The following TRAF3IP2 variants were observed in gnomAD, a reference collection of about 807,000 sequenced individuals.
TRAF3IP2 encodes the protein TRAF3 interacting protein 2, also known as E3 ubiquitin ligase TRAF3IP2.
Under a neutral mutation model 57.9 loss-of-function variants are expected in TRAF3IP2, and 35 were observed. That is an observed-to-expected ratio of 0.60 (90% CI 0.46 to 0.80). The LOEUF is 0.80. Among genes scored for constraint, TRAF3IP2 ranks in the 30% least tolerant of loss-of-function variants. The pLI is 0.00. For missense variants in TRAF3IP2, 556 were observed against 706.4 expected (o/e 0.79, Z 2.41); for synonymous variants, 251 against 268.9 (o/e 0.93, Z 0.65).
intron 2 of TRAF3IP2, among the ~76,000 whole-genome samples, chr6:111,583,637 C>A (rs1413872597): frequency 6.6e-6 from 1 of 152,142 alleles, no homozygotes; most frequent in Non-Finnish European, 1.5e-5. Flanking sequence ...AAGCTCAGGG[C>A]TCCCACTGAT....
intron 1 of TRAF3IP2, among the ~76,000 whole-genome samples, chr6:111,605,005 C>T (rs1314982665): frequency 1.3e-5 from 2 of 151,974 alleles, no homozygotes; most frequent in Non-Finnish European, 2.9e-5. Flanking sequence ...TTGCCTAAGT[C>T]ATGGAACCAC....
At position 111,563,015 on chromosome 6, in the gene TRAF3IP2, C is replaced by T; in HGVS notation, c.1501G>A (p.Gly501Arg). Residue 501 changes from glycine (G) to arginine (R), a missense_variant, in exon 8 of 9, where the codon GGA becomes AGA. By Grantham distance (125) the Gly-to-Arg change is moderately radical. Coordinates refer to ENST00000368761, the MANE Select transcript of TRAF3IP2 (RefSeq NM_147686.4). ...RMMQIEFIKQ[G>R]SMNFRFIPVL... ...GGGATGAATCTGAAATTCATGCTTC[C>T]TTGTTTTATGAACTCAATCTGCATC... 1 of 1,613,126 alleles carries T rather than the reference C, an allele frequency of 6.2e-7. No homozygotes were observed. The highest frequency in any genetic ancestry group is 8.5e-7 in the Non-Finnish European group (1 of 1,179,752).
intron 6 of TRAF3IP2, chr6:111,567,392 A>G: frequency 2.4e-6 from 3 of 1,267,166 alleles, no homozygotes; most frequent in Middle Eastern, 2.4e-4. Context: ...TCTGATTGTT[A>G]TCAACCACCT....
intron 2 of TRAF3IP2, among the ~76,000 whole-genome samples, chr6:111,590,297 A>G (rs1182297818): frequency 2.0e-5 from 3 of 152,202 alleles, no homozygotes; most frequent in Non-Finnish European, 2.9e-5. Flanking sequence ...CTAGAAGGAG[A>G]GGAGACACGT....
In TRAF3IP2 at chr6:111,605,878, C is replaced by T. The variant is rs1797007552; in HGVS notation, c.-111G>A. 6.6e-6 allele frequency: 1 copy of T among 152,118 alleles called. No homozygotes were observed. The highest frequency in any genetic ancestry group is 6.5e-5 in the Admixed American group (1 of 15,272). The allele number at this position is 152,118 out of a possible 1,614,324, so 9.4% of individuals were successfully genotyped here. A position where few individuals can be genotyped will look rare whatever the true frequency, so the allele number is the denominator to read the frequency against. On this transcript the variant is annotated 5_prime_UTR_variant, in exon 1 of 9. Transcript: ENST00000368761. Reference sequence around the variant, plus strand: ...CTCCGGGCCCAGGTAAGTAGAAGAACAGGCTCTGAAGCAGGAAGTGGAAGC... The same window carrying T: ...CTCCGGGCCCAGGTAAGTAGAAGAATAGGCTCTGAAGCAGGAAGTGGAAGC...
intron 5 of TRAF3IP2, among the ~76,000 whole-genome samples, chr6:111,568,837 C>A (rs573821126): frequency 2.0e-5 from 3 of 152,178 alleles, no homozygotes; most frequent in Non-Finnish European, 4.4e-5. Flanking sequence ...AGCACAAACC[C>A]CCCTGCTCTG....
intron 1 of TRAF3IP2, chr6:111,597,778 A>G: frequency 2.2e-6 from 1 of 453,084 alleles, no homozygotes; most frequent in South Asian, 1.6e-5. Context: ...TGTGCATGTG[A>G]GCCTGGTTCT....
rs952510218 is a variant in TRAF3IP2, at chr6:111,555,830, G to A, written c.*3575C>T. 1.2e-4 allele frequency among the ~76,000 whole-genome samples: 18 copies of A among 152,106 alleles called. No homozygotes were observed. The highest frequency in any genetic ancestry group is 2.4e-4 in the African/African-American group (10 of 41,418). On this transcript the variant is annotated 3_prime_UTR_variant, in exon 9 of 9. Coordinates refer to ENST00000368761, the MANE Select transcript of TRAF3IP2 (RefSeq NM_147686.4). Reference sequence around the variant, plus strand: ...TTACAATTCCTTTGATGGGCCGGGCGTGGTGGCTCATGCCTGTAATCCCAG... The same window carrying A: ...TTACAATTCCTTTGATGGGCCGGGCATGGTGGCTCATGCCTGTAATCCCAG...
intron 7 of TRAF3IP2, among the ~76,000 whole-genome samples, chr6:111,563,872 CAAG>C (rs1352698982): frequency 6.6e-6 from 1 of 152,122 alleles, no homozygotes; most frequent in Non-Finnish European, 1.5e-5. Flanking sequence ...TGTGGTAGCC[CAAG>C]AAGATTTAGC....
At position 111,580,405 on chromosome 6, in the gene TRAF3IP2, A is replaced by C. The variant is rs567248454; in HGVS notation, c.830-16T>G. ...TCATGGCCATCTGTAGGTGAAGACA[A>C]CAAAGACAACAGGGAACATCAACTC... On this transcript the variant is annotated splice_polypyrimidine_tract_variant and intron_variant, in intron 2 of 8. Coordinates refer to ENST00000368761, the MANE Select transcript of TRAF3IP2 (RefSeq NM_147686.4). The C allele has an allele frequency of 6.5e-7, 1 of 1,528,604 alleles. No individual in the cohort carries two copies. Among genetic ancestry groups the C allele is most frequent in the African/African-American group, 1.4e-5 (1 of 71,932 alleles). 94.7% of individuals were successfully genotyped at this position (1,528,604 alleles called of 1,614,324 possible). A position where few individuals can be genotyped will look rare whatever the true frequency, so the allele number is the denominator to read the frequency against.
chr6:111,572,968 G>C lies in TRAF3IP2; in HGVS notation c.1217C>G (p.Thr406Ser). Residue 406 changes from threonine (T) to serine (S), a missense_variant, in exon 5 of 9, where the codon ACT becomes AGT. This residue lies in a region of TRAF3IP2 where 128 missense variants were observed against 207.7 expected (regional missense o/e 0.62). Transcript: ENST00000368761. ...CTCCATAGCTGTGTCCATCGAATAAGTGATAAAGACTTTCCCTAAGAGAAA... is the reference window on the plus strand; with the variant it reads ...CTCCATAGCTGTGTCCATCGAATAACTGATAAAGACTTTCCCTAAGAGAAA... ...LPEELRKVFI[T>S]YSMDTAMEVV... 6.2e-7 allele frequency: 1 copy of C among 1,613,770 alleles called. No individual in the cohort carries two copies. The highest frequency in any genetic ancestry group is 8.5e-7 in the Non-Finnish European group (1 of 1,179,852).
chr6:111,572,932 A>T lies in TRAF3IP2; in HGVS notation c.1253T>A (p.Phe418Tyr). ...GCCATTTACCAACAAAAAGTTCACG[A>T]ATTTCACCACCTCCATAGCTGTGTC... ...SMDTAMEVVK[F>Y]VNFLLVNGFQ... The change falls in exon 5 of 9, where the codon TTC (phenylalanine) becomes TAC (tyrosine). Residue 418 changes from phenylalanine (F) to tyrosine (Y), a missense_variant. This residue lies in a region of TRAF3IP2 where 128 missense variants were observed against 207.7 expected (regional missense o/e 0.62). Coordinates refer to ENST00000368761, the MANE Select transcript of TRAF3IP2 (RefSeq NM_147686.4). 1 of 1,614,134 alleles carries T rather than the reference A, an allele frequency of 6.2e-7. No homozygotes were observed. The highest frequency in any genetic ancestry group is 8.5e-7 in the Non-Finnish European group (1 of 1,180,012).
intron 3 of TRAF3IP2, among the ~76,000 whole-genome samples, chr6:111,578,369 G>A (rs1040626152): frequency 5.9e-5 from 9 of 152,124 alleles, no homozygotes; most frequent in Non-Finnish European, 1.0e-4. Context: ...GGCCCAGCAC[G>A]GTGGCTAACA....
In TRAF3IP2 at chr6:111,558,733, C is replaced by G. The variant is rs1267953321; in HGVS notation, c.*672G>C. The G allele has an allele frequency of 6.6e-6, 1 of 152,134 alleles. No homozygotes were observed. The highest frequency in any genetic ancestry group is 1.5e-5 in the Non-Finnish European group (1 of 68,048). 9.4% of individuals were successfully genotyped at this position (152,134 alleles called of 1,614,324 possible). A position where few individuals can be genotyped will look rare whatever the true frequency, so the allele number is the denominator to read the frequency against. The stretch of plus-strand genomic sequence containing the variant: ...TACAGGTGTGAGTCACTGCGCCCAG[C>G]CTAAAAATCTTTATTGCAAGAATAA... On this transcript the variant is annotated 3_prime_UTR_variant, in exon 9 of 9. Coordinates refer to ENST00000368761, the MANE Select transcript of TRAF3IP2 (RefSeq NM_147686.4).
In TRAF3IP2 at chr6:111,580,197, T is replaced by C; in HGVS notation, c.1022A>G (p.Gln341Arg). ...DCSFPGLPRH[Q>R]DQPHHQPPNR... Reference sequence around the variant, plus strand: ...TGAAGGTTGGGCCTGTCATACTTACTGGTGCCTTGGAAGCCCCGGAAAGGA... The same window carrying C: ...TGAAGGTTGGGCCTGTCATACTTACCGGTGCCTTGGAAGCCCCGGAAAGGA... The change falls in exon 3 of 9, where the codon CAG becomes CGG. Residue 341 changes from glutamine (Q) to arginine (R), a missense_variant and splice_region_variant. By Grantham distance (43) the Gln-to-Arg change is conservative. Coordinates refer to ENST00000368761, the MANE Select transcript of TRAF3IP2 (RefSeq NM_147686.4). The C allele has an allele frequency of 6.2e-7, 1 of 1,613,910 alleles. No individual in the cohort carries two copies. The highest frequency in any genetic ancestry group is 8.5e-7 in the Non-Finnish European group (1 of 1,179,890).
At position 111,556,047 on chromosome 6, in the gene TRAF3IP2, G is replaced by A. The variant is rs565011791; in HGVS notation, c.*3358C>T. On this transcript the variant is annotated 3_prime_UTR_variant, in exon 9 of 9. Coordinates refer to ENST00000368761, the MANE Select transcript of TRAF3IP2 (RefSeq NM_147686.4). ...GAACCCGGGAGGTGGAGGTTGCAGT[G>A]AGCTGTGATTGCACCACTGCACTCT... 3.2e-4 allele frequency among the ~76,000 whole-genome samples: 48 copies of A among 151,412 alleles called. 1 individual carries two copies. In the South Asian group the frequency reaches 8.7e-3, roughly 28 times the overall value.
At chr6:111,564,086 A>G (rs1795540458) in intron 7 of TRAF3IP2, among the ~76,000 whole-genome samples, 1 of 152,196 alleles carries the variant, frequency 6.6e-6, no homozygotes. Flanking sequence ...CAGAGAAGAA[A>G]GTGACAGTGG....
At chr6:111,566,140 T>C (rs1338353592) in intron 7 of TRAF3IP2, among the ~76,000 whole-genome samples, 1 of 152,186 alleles carries the variant, frequency 6.6e-6, no homozygotes, top group Non-Finnish European at 1.5e-5. Context: ...GACTTCATAG[T>C]TGCTGGTAAA....
At chr6:111,566,222 A>G (rs2128371256) in intron 7 of TRAF3IP2, among the ~76,000 whole-genome samples, 1 of 152,256 alleles carries the variant, frequency 6.6e-6, no homozygotes, top group East Asian at 1.9e-4. Context: ...TCCCCTTGCA[A>G]CTGATAGGAA....
Sources: allele counts gnomAD v4.1 joint callset (sites outside exome capture counted in the v4.1 genomes callset), GRCh38; gene constraint gnomAD v4.1.1; regional missense constraint gnomAD v4.1.1; transcripts MANE v1.5; gene names NCBI Gene and HGNC (gene_info 2026-07-23, HGNC 2026-07-21).